Variants in TMEM135 observed in about 807,000 individuals in gnomAD.
The protein encoded by TMEM135 is peroxisomal membrane protein 52.
Under a neutral mutation model 60.3 loss-of-function variants are expected in TMEM135, and 30 were observed. That is an observed-to-expected ratio of 0.50 (90% CI 0.37 to 0.68). The LOEUF (loss-of-function observed/expected upper bound fraction) is 0.68, where lower values mean the gene tolerates loss of function less well. Ranked by LOEUF, TMEM135 falls within the 30% of genes least tolerant of loss-of-function variation. The pLI is 0.00. For synonymous variants in TMEM135, 190 were observed against 186.7 expected, an observed-to-expected ratio of 1.02 and a Z score of -0.14; for missense variants, 468 against 548.8, an observed-to-expected ratio of 0.85 and a Z score of 1.47.
At chr11:87,307,011 GC>G (rs1942558480) in intron 9 of TMEM135, among the ~76,000 whole-genome samples, 1 of 152,062 alleles carries the variant, frequency 6.6e-6, no homozygotes, top group Non-Finnish European at 1.5e-5. Context: ...GAACCACCGC[GC>G]CCGGCCAAGT....
At chr11:87,208,421 A>T (rs1173759679) in intron 5 of TMEM135, among the ~76,000 whole-genome samples, 1 of 152,190 alleles carries the variant, frequency 6.6e-6, no homozygotes, top group East Asian at 1.9e-4. Flanking sequence ...TCAAAATACA[A>T]TTGGAAGCAC....
At chr11:87,144,460 A>G (rs1354255745) in intron 4 of TMEM135, among the ~76,000 whole-genome samples, 1 of 152,232 alleles carries the variant, frequency 6.6e-6, no homozygotes, top group Non-Finnish European at 1.5e-5. Context: ...GTAATACTTC[A>G]TTTATATAAA....
chr11:87,157,643 T>G, intron 5 of TMEM135: 1 of 416,242 alleles, frequency 2.4e-6, no homozygotes, highest in Non-Finnish European at 4.3e-6. Flanking sequence ...ATATCTTTAC[T>G]CTTAAAAAAT....
intron 1 of TMEM135, among the ~76,000 whole-genome samples, chr11:87,042,436 A>T (rs1441109258): frequency 3.9e-5 from 6 of 152,080 alleles, no homozygotes; most frequent in Non-Finnish European, 5.9e-5. Flanking sequence ...ATGATATTTT[A>T]AGTTTTATGG....
chr11:87,157,236 A>T (rs633629), intron 4 of TMEM135, 105 bp from the exon 5 acceptor site: 145,117 of 1,048,268 alleles, frequency 0.14, 10,771 homozygotes, highest in Middle Eastern at 0.18. Context: ...AAGTTGCTGG[A>T]TATATAATAG....
In TMEM135 at chr11:87,133,608, A is replaced by G. The variant is rs192026928; in HGVS notation, c.397-23733A>G. 1.3e-3 allele frequency among the ~76,000 whole-genome samples: 200 copies of G among 152,302 alleles called. 2 individuals are homozygous for G. Among genetic ancestry groups the G allele is most frequent in the African/African-American group, 4.6e-3 (193 of 41,572 alleles). On this transcript the variant is annotated intron_variant, in intron 4 of 14. Coordinates refer to ENST00000305494, the MANE Select transcript of TMEM135 (RefSeq NM_022918.4). The stretch of plus-strand genomic sequence containing the variant: ...TATTGATACATTTTGACATACATAT[A>G]TATCAGTGAAACTGTTACCACACTC...
intron 1 of TMEM135, among the ~76,000 whole-genome samples, chr11:87,041,738 A>G (rs960716232): frequency 6.6e-6 from 1 of 152,234 alleles, no homozygotes; most frequent in Non-Finnish European, 1.5e-5. Context: ...ATATATGTCT[A>G]AATGAGTGAA....
intron 3 of TMEM135, 72 bp downstream of exon 3, chr11:87,071,687 T>A (rs1856775846): frequency 6.7e-5 from 60 of 896,850 alleles, no homozygotes; most frequent in Non-Finnish European, 8.1e-5. Flanking sequence ...TTTTTTTTTT[T>A]AATTATCACT....
chr11:87,319,950 C>T (rs916014717), intron 14 of TMEM135, among the ~76,000 whole-genome samples: 3 of 152,196 alleles, frequency 2.0e-5, no homozygotes, highest in East Asian at 1.9e-4. Context: ...TATTTACCCT[C>T]GTGAGCCTAA....
chr11:87,168,827 G>T (rs1203537187), intron 5 of TMEM135, among the ~76,000 whole-genome samples: 1 of 152,080 alleles, frequency 6.6e-6, no homozygotes, highest in Non-Finnish European at 1.5e-5. Flanking sequence ...AAGTCACTTG[G>T]TCCAGAGCTG....
intron 6 of TMEM135, among the ~76,000 whole-genome samples, chr11:87,251,775 G>C (rs376352354): frequency 2.0e-5 from 3 of 152,142 alleles, no homozygotes; most frequent in Admixed American, 6.5e-5. Flanking sequence ...GAACTAAAAC[G>C]CGTGAGCACC....
At chr11:87,123,358 C>T (rs902400294) in intron 4 of TMEM135, among the ~76,000 whole-genome samples, 2 of 152,074 alleles carry the variant, frequency 1.3e-5, no homozygotes, top group Non-Finnish European at 2.9e-5. Flanking sequence ...GGTTTATAGC[C>T]GCATCATTCT....
intron 1 of TMEM135, among the ~76,000 whole-genome samples, chr11:87,060,277 T>C (rs1490928031): frequency 6.6e-6 from 1 of 152,204 alleles, no homozygotes; most frequent in African/African-American, 2.4e-5. Flanking sequence ...TTCCTCTTTA[T>C]TTTTTTGTAG....
intron 4 of TMEM135, among the ~76,000 whole-genome samples, chr11:87,134,715 G>T (rs1046960749): frequency 6.6e-6 from 1 of 152,122 alleles, no homozygotes; most frequent in Non-Finnish European, 1.5e-5. Flanking sequence ...TGAACTCCTG[G>T]ACTCAAGTGA....
Position 87,214,353 on chromosome 11 carries a change from A to G in TMEM135, c.463-22285A>G, listed in dbSNP as rs558151329. ...CTTTTTTCAAACTTCCATGTACTCA[A>G]TCAGTCTTTACTATTACAGCAGTGC... is the stretch of plus-strand genomic sequence containing the variant. On this transcript the variant is annotated intron_variant, in intron 5 of 14. Transcript: ENST00000305494. 2.6e-5 allele frequency among the ~76,000 whole-genome samples: 4 copies of G among 152,252 alleles called. No homozygotes were observed. In the East Asian group the frequency reaches 5.8e-4, roughly 22 times the overall value.
intron 3 of TMEM135, among the ~76,000 whole-genome samples, chr11:87,076,196 A>T (rs1474330868): frequency 1.3e-5 from 2 of 152,160 alleles, no homozygotes; most frequent in Non-Finnish European, 2.9e-5. Context: ...GAGTAAGAAA[A>T]GTTTGCCTGA....
Position 87,300,318 on chromosome 11 carries a change from A to G in TMEM135, c.552-1978A>G, listed in dbSNP as rs1407275033. On this transcript the variant is annotated intron_variant, in intron 7 of 14. Coordinates refer to ENST00000305494, the MANE Select transcript of TMEM135 (RefSeq NM_022918.4). ...ATAGATAACAGTAGAAGTCAAAAGA[A>G]TAGTGTCAAGAACACAACCACGGGA... is the stretch of plus-strand genomic sequence containing the variant. Among the ~76,000 whole-genome samples, 3 of 152,368 alleles carry G rather than the reference A, an allele frequency of 2.0e-5. No homozygotes were observed. The East Asian group carries it at 5.8e-4, about 29-fold the overall frequency.
In TMEM135 at chr11:87,150,376, TA is replaced by T. The variant is rs377532282; in HGVS notation, c.397-6962del. Among the ~76,000 whole-genome samples, 447 of 152,348 alleles carry T rather than the reference TA, an allele frequency of 2.9e-3. 4 individuals are homozygous for T. The highest frequency in any genetic ancestry group is 9.4e-3 in the African/African-American group (390 of 41,580). Reference sequence around the variant, plus strand: ...ATTTCCTCTGTTGCTTCGTTGTATCTAAATTAACTTGCCTACACTGCTATTC... The same window carrying T: ...ATTTCCTCTGTTGCTTCGTTGTATCTAATTAACTTGCCTACACTGCTATTC... On this transcript the variant is annotated intron_variant, in intron 4 of 14. Coordinates refer to ENST00000305494, the MANE Select transcript of TMEM135 (RefSeq NM_022918.4).
At chr11:87,178,513 C>T (rs1347174427) in intron 5 of TMEM135, 3 of 456,176 alleles carry the variant, frequency 6.6e-6, no homozygotes, top group Middle Eastern at 3.3e-4. Context: ...GCAGCCTCTG[C>T]CTCCCAGGTT....
Sources: allele counts gnomAD v4.1 joint callset (sites outside exome capture counted in the v4.1 genomes callset), GRCh38; gene constraint gnomAD v4.1.1; transcripts MANE v1.5; gene names NCBI Gene and HGNC (gene_info 2026-07-23, HGNC 2026-07-21).